The following CPLX2 variants were observed in gnomAD, a reference collection of about 807,000 sequenced individuals.
CPLX2 encodes the protein complexin-2.
In CPLX2, 5 loss-of-function variants were observed where a neutral mutation model predicts 16.3. The ratio of observed to expected loss-of-function variants is 0.31; its 90% CI spans 0.16 to 0.64. The LOEUF is 0.64. CPLX2 is among the 30% of genes least tolerant of loss of function. The probability of loss-of-function intolerance (pLI) is 0.79; values close to 1 mark genes in which losing one functional copy is unlikely to be tolerated. For missense variants in CPLX2, 144 were observed against 181.4 expected (o/e 0.79, Z 1.18); for synonymous variants, 89 against 73.2 (o/e 1.22, Z -1.10).
chr5:175,814,314 C>T (rs1055755569), intron 2 of CPLX2, among the ~76,000 whole-genome samples: 2 of 152,166 alleles, frequency 1.3e-5, no homozygotes, highest in Non-Finnish European at 2.9e-5. Flanking sequence ...CTGCCTGAGC[C>T]GGGAGTGCAG....
chr5:175,852,822 C>T (rs887293878), intron 2 of CPLX2, among the ~76,000 whole-genome samples: 3 of 152,130 alleles, frequency 2.0e-5, no homozygotes, highest in Admixed American at 6.5e-5. Context: ...AGGTGTCTCG[C>T]GGTGTTTTCC....
intron 2 of CPLX2, among the ~76,000 whole-genome samples, chr5:175,850,380 G>A (rs751370920): frequency 1.7e-4 from 26 of 152,162 alleles, no homozygotes; most frequent in Non-Finnish European, 3.5e-4. Context: ...ACAGAGGCAG[G>A]AAAGCTGCAC....
upstream of CPLX2, among the ~76,000 whole-genome samples, chr5:175,866,614 G>C: frequency 6.6e-6 from 1 of 152,242 alleles, no homozygotes; most frequent in Admixed American, 6.5e-5. Flanking sequence ...GCTGGCAGAG[G>C]ACCTCTGAGG....
intron 1 of CPLX2, among the ~76,000 whole-genome samples, chr5:175,799,937 G>A (rs1758061764): frequency 6.6e-6 from 1 of 152,078 alleles, no homozygotes; most frequent in Non-Finnish European, 1.5e-5. Context: ...GCAAAAGGCT[G>A]CACAGTCAGA....
upstream of CPLX2, among the ~76,000 whole-genome samples, chr5:175,867,796 C>T (rs1237865134): frequency 1.3e-5 from 2 of 152,176 alleles, no homozygotes; most frequent in Non-Finnish European, 2.9e-5. Flanking sequence ...TGCACAGTCC[C>T]ACACTGCTGG....
At chr5:175,848,080 G>A (rs751716126) in intron 2 of CPLX2, among the ~76,000 whole-genome samples, 15 of 152,226 alleles carry the variant, frequency 9.9e-5, no homozygotes, top group Non-Finnish European at 1.9e-4. Context: ...CCCCAGGCTG[G>A]CAGCAAAGAG....
chr5:175,860,266 G>A (rs1227675607), intron 2 of CPLX2, among the ~76,000 whole-genome samples: 4 of 152,046 alleles, frequency 2.6e-5, no homozygotes, highest in African/African-American at 9.7e-5. Flanking sequence ...CAAGGCAGGA[G>A]GATCACTTGA....
intron 1 of CPLX2, among the ~76,000 whole-genome samples, chr5:175,877,243 C>T (rs182627911): frequency 0.011 from 1,538 of 146,012 alleles, 26 homozygotes; most frequent in African/African-American, 0.036. Context: ...TTTTTTCCTA[C>T]ACATCATGAC....
chr5:175,798,713 TAGAA>T (rs1162101172), intron 1 of CPLX2, among the ~76,000 whole-genome samples: 3 of 152,040 alleles, frequency 2.0e-5, no homozygotes, highest in Non-Finnish European at 1.5e-5. Flanking sequence ...TTTAGAAAAA[TAGAA>T]AGAATAGTAT....
rs574866432 is a variant in CPLX2, at chr5:175,878,850, C to G, written c.32-58C>G. 3.2e-4 allele frequency: 511 copies of G among 1,606,876 alleles called. 9 individuals carry two copies. The East Asian group carries it at 0.011, about 36-fold the overall frequency. On this transcript the variant is annotated intron_variant, in intron 2 of 3. Transcript: ENST00000393745. ...TGGCCTCGGCCCACCCGGCCCCTCTCTCCCCAGCCCTGACCCCTAGCTGAC... is the reference window on the plus strand; with the variant it reads ...TGGCCTCGGCCCACCCGGCCCCTCTGTCCCCAGCCCTGACCCCTAGCTGAC...
chr5:175,843,794 TGA>T (rs1299741524), intron 2 of CPLX2, among the ~76,000 whole-genome samples: 1 of 152,240 alleles, frequency 6.6e-6, no homozygotes, highest in African/African-American at 2.4e-5. Context: ...TTCCTCCAAC[TGA>T]GGGGAAAGCC....
intron 2 of CPLX2, among the ~76,000 whole-genome samples, chr5:175,835,778 G>A (rs1183693704): frequency 4.3e-5 from 5 of 115,006 alleles, no homozygotes; most frequent in South Asian, 6.1e-4. Flanking sequence ...TCGCTCTGTC[G>A]CCCAGGCTGG....
upstream of CPLX2, chr5:175,871,400 AAGAG>A (rs1411339308): frequency 1.1e-5 from 1 of 91,216 alleles, no homozygotes; most frequent in Admixed American, 1.3e-4. Context: ...GAGGGAGAGA[AAGAG>A]AGAGAGGAGA....
Position 175,872,158 on chromosome 5 carries a change from G to A in CPLX2, c.-89+453G>A, listed in dbSNP as rs1759641481. The stretch of plus-strand genomic sequence containing the variant: ...GCCCGCCGGAGCACGCTTCGCCCCG[G>A]AGGAGGGAGTCGCCCCCAGGGGTAC... On this transcript the variant is annotated intron_variant, in intron 1 of 3. Coordinates refer to ENST00000393745, the MANE Select transcript of CPLX2 (RefSeq NM_001008220.2). This position sits in a 1 kb window ranked among gnomAD's most constrained non-coding sequence, Gnocchi z 5.0. 6.6e-6 allele frequency: 1 copy of A among 152,270 alleles called. No individual in the cohort carries two copies. Among genetic ancestry groups the A allele is most frequent in the Non-Finnish European group, 1.5e-5 (1 of 68,080 alleles). 9.4% of individuals were successfully genotyped at this position (152,270 alleles called of 1,614,324 possible).
At chr5:175,820,574 C>G (rs1758487045) in intron 2 of CPLX2, among the ~76,000 whole-genome samples, 1 of 152,344 alleles carries the variant, frequency 6.6e-6, no homozygotes, top group Middle Eastern at 3.4e-3. Context: ...CTCAAGGACT[C>G]TCAGCTCAGA....
intron 1 of CPLX2, among the ~76,000 whole-genome samples, chr5:175,804,895 C>T (rs1758168613): frequency 1.3e-5 from 2 of 152,232 alleles, no homozygotes; most frequent in Non-Finnish European, 2.9e-5. Flanking sequence ...GTGGACACCT[C>T]ATGCATTTTA....
At chr5:175,805,722 A>T (rs1758187794) in intron 1 of CPLX2, 1 of 152,470 alleles carries the variant, frequency 6.6e-6, no homozygotes, top group Admixed American at 6.5e-5. Flanking sequence ...TTGCCAGGAC[A>T]TGGTCTGCAA....
rs1227728488 is a variant in CPLX2 at position 175,874,487 on chromosome 5, T to C, written c.-89+2782T>C. 2.6e-5 allele frequency among the ~76,000 whole-genome samples: 4 copies of C among 152,280 alleles called. 1 individual carries two copies. The highest frequency in any genetic ancestry group is 4.8e-5 in the African/African-American group (2 of 41,558). On this transcript the variant is annotated intron_variant, in intron 1 of 3. Transcript: ENST00000393745. ...ACCCAGAACAGTGTCTGGCAGAAAG[T>C]AGGTACTCAAGGAATATTTGTAGTA... is the stretch of plus-strand genomic sequence containing the variant.
rs570489239 is a variant in CPLX2 at position 175,860,412 on chromosome 5, TAAAG to T, written c.-88-18235_-88-18232del. Among the ~76,000 whole-genome samples, 19 of 68,288 alleles carry T rather than the reference TAAAG, an allele frequency of 2.8e-4. No individual in the cohort carries two copies. The East Asian group carries it at 4.5e-3, about 16-fold the overall frequency. The allele number at this position is 68,288 out of a possible 152,430, so 44.8% of individuals were successfully genotyped here. ...CTCTCCAGTTCTGTCTCAAAAAAAA[TAAAG>T]AAAGGAAGGAAGGAAGGAAGAAAGA... On this transcript the variant is annotated intron_variant, in intron 2 of 4. Coordinates refer to the CPLX2 transcript ENST00000359546.
Sources: allele counts gnomAD v4.1 joint callset (sites outside exome capture counted in the v4.1 genomes callset), GRCh38; gene constraint gnomAD v4.1.1; non-coding constraint Gnocchi (gnomAD v3.1); transcripts MANE v1.5; gene names NCBI Gene and HGNC (gene_info 2026-07-23, HGNC 2026-07-21).